Variants in ZNF516 observed in about 807,000 individuals in gnomAD.
The protein encoded by ZNF516 is zinc finger protein 516.
A neutral mutation model predicts 79.7 loss-of-function variants in ZNF516; 19 were observed. That is an observed-to-expected ratio of 0.24 (90% confidence interval 0.17 to 0.35). The LOEUF (loss-of-function observed/expected upper bound fraction) is 0.35, where lower values mean the gene tolerates loss of function less well. ZNF516 is among the 10% of genes least tolerant of loss of function. ZNF516 has a pLI of 1.00. For missense variants in ZNF516, 1,678 were observed against 1,679.5 expected (o/e 1.00, Z 0.02); for synonymous variants, 877 against 739.5 (o/e 1.19, Z -3.02).
intron 3 of ZNF516, among the ~76,000 whole-genome samples, chr18:76,401,013 G>A (rs1383264593): frequency 6.6e-6 from 1 of 151,874 alleles, no homozygotes; most frequent in Non-Finnish European, 1.5e-5. Context: ...TCATTCCTTC[G>A]TTTTCCTCTT....
At position 76,379,378 on chromosome 18, in the gene ZNF516, A is replaced by G. The variant is rs1209837272; in HGVS notation, c.2736T>C (p.Ala912=). 1 of 1,598,830 alleles carries G rather than the reference A, an allele frequency of 6.3e-7. No homozygotes were observed. The highest frequency in any genetic ancestry group is 1.3e-5 in the African/African-American group (1 of 74,402). Residue 912 remains alanine (A), a synonymous_variant, in exon 4 of 7, where the codon GCT becomes GCC. Transcript: ENST00000443185. The part of the protein sequence containing the change: ...QGPLAKPRQE[A]SSKPVPAPGG... ...CCGGGGCAGGCACCGGTTTGGAGCT[A>G]GCCTCCTGCCTGGGCTTGGCCAGGG...
chr18:76,482,212 C>T (rs1914564403), intron 1 of ZNF516, among the ~76,000 whole-genome samples: 1 of 152,214 alleles, frequency 6.6e-6, no homozygotes, highest in Non-Finnish European at 1.5e-5. Context: ...AGAAAGCTCA[C>T]ATCCTAAGTT....
rs1207717554 is a variant in ZNF516, at chr18:76,360,036, C to T, written c.*2462G>A. 1 of 152,224 alleles carries T rather than the reference C, an allele frequency of 6.6e-6. No individual in the cohort carries two copies. Among genetic ancestry groups the T allele is most frequent in the Admixed American group, 6.5e-5 (1 of 15,278 alleles). 9.4% of individuals were successfully genotyped at this position (152,224 alleles called of 1,614,324 possible). A position where few individuals can be genotyped will look rare whatever the true frequency, so the allele number is the denominator to read the frequency against. ...CCCAGTCTGTTTAACTGGGTGAAAA[C>T]CTTCCTCCTGCACTCTGTGCACCCT... On this transcript the variant is annotated 3_prime_UTR_variant, in exon 7 of 7. Transcript: ENST00000443185.
intron 1 of ZNF516, among the ~76,000 whole-genome samples, chr18:76,491,413 C>CCCCG (rs1915198155): frequency 7.2e-6 from 1 of 139,332 alleles, no homozygotes; most frequent in Non-Finnish European, 1.6e-5. Context: ...CCCCCGCCCG[C>CCCCG]CCCGCCCGCC....
At chr18:76,475,686 T>C (rs916263372) in intron 1 of ZNF516, among the ~76,000 whole-genome samples, 3 of 152,130 alleles carry the variant, frequency 2.0e-5, no homozygotes, top group African/African-American at 7.2e-5. Context: ...TCTGTGCCAG[T>C]GGGTCCATGC....
chr18:76,406,142 C>T (rs1241618583), intron 3 of ZNF516, among the ~76,000 whole-genome samples: 1 of 152,240 alleles, frequency 6.6e-6, no homozygotes, highest in African/African-American at 2.4e-5. Flanking sequence ...CACCGCCCGG[C>T]CTGCAACTCG....
intron 1 of ZNF516, chr18:76,492,907 T>A (rs886753066): frequency 1.0e-6 from 1 of 985,604 alleles, no homozygotes; most frequent in Non-Finnish European, 1.2e-6. Flanking sequence ...TCTGTGTAAA[T>A]GCAGAAGCCT....
intron 3 of ZNF516, among the ~76,000 whole-genome samples, chr18:76,426,209 A>G (rs1409749895): frequency 6.6e-6 from 1 of 152,274 alleles, no homozygotes; most frequent in Non-Finnish European, 1.5e-5. Context: ...TGTAAACTGC[A>G]GAAAGAAAGC....
At chr18:76,463,535 G>A (rs1323574230) in intron 1 of ZNF516, among the ~76,000 whole-genome samples, 1 of 152,260 alleles carries the variant, frequency 6.6e-6, no homozygotes, top group African/African-American at 2.4e-5. Flanking sequence ...ACTGCGCTTG[G>A]TGTGCGCATC....
intron 1 of ZNF516, among the ~76,000 whole-genome samples, chr18:76,472,744 C>T (rs1913919890): frequency 6.6e-6 from 1 of 151,986 alleles, no homozygotes; most frequent in Non-Finnish European, 1.5e-5. Context: ...GCCTCACAGG[C>T]AGAAAAAGCA....
chr18:76,400,368 C>T (rs762295906), intron 3 of ZNF516, among the ~76,000 whole-genome samples: 11 of 152,268 alleles, frequency 7.2e-5, no homozygotes, highest in South Asian at 4.1e-4. Context: ...TCTGGTAAGA[C>T]GGACTGAATA....
intron 3 of ZNF516, among the ~76,000 whole-genome samples, chr18:76,436,841 G>A (rs1458043477): frequency 6.6e-6 from 1 of 152,030 alleles, no homozygotes; most frequent in Non-Finnish European, 1.5e-5. Context: ...GCTGAGGCGG[G>A]TGGATTGCTT....
intron 3 of ZNF516, among the ~76,000 whole-genome samples, chr18:76,384,672 C>T (rs1026895384): frequency 1.1e-4 from 16 of 150,396 alleles, no homozygotes; most frequent in Non-Finnish European, 1.9e-4. Context: ...GATCCTGAAA[C>T]GGAAGAACTC....
chr18:76,490,728 C>T, intron 1 of ZNF516: 1 of 979,840 alleles, frequency 1.0e-6, no homozygotes, highest in Non-Finnish European at 1.2e-6. Flanking sequence ...GGGGCAATGC[C>T]TTTCTGCTGT....
At chr18:76,402,745 C>G (rs903845041) in intron 3 of ZNF516, among the ~76,000 whole-genome samples, 1 of 152,264 alleles carries the variant, frequency 6.6e-6, no homozygotes, top group African/African-American at 2.4e-5. Context: ...CCTCTCTGAA[C>G]TAGAAGCGAG....
At chr18:76,404,911 G>C (rs907196502) in intron 3 of ZNF516, among the ~76,000 whole-genome samples, 4 of 152,122 alleles carry the variant, frequency 2.6e-5, no homozygotes, top group African/African-American at 9.7e-5. Context: ...TGTGTGTGTG[G>C]GGCCGTCCCT....
rs933512565 is a variant in ZNF516, at chr18:76,361,755, C to T, written c.*743G>A. 11 of 152,222 alleles carry T rather than the reference C, an allele frequency of 7.2e-5. No homozygotes were observed. Among genetic ancestry groups the T allele is most frequent in the African/African-American group, 2.7e-4 (11 of 41,442 alleles). The allele number at this position is 152,222 out of a possible 1,614,324, so 9.4% of individuals were successfully genotyped here. ...TCTTAGTGTTGCGCTAGCTCTCTTC[C>T]GAGGCGGAATCTACGCATTCCCACA... On this transcript the variant is annotated 3_prime_UTR_variant, in exon 7 of 7. Coordinates refer to ENST00000443185, the MANE Select transcript of ZNF516 (RefSeq NM_014643.4).
Position 76,441,935 on chromosome 18 carries a change from C to T in ZNF516, c.1120G>A (p.Glu374Lys). ...RTRAPAEEGA[E>K]GPSDTKQFFL... ...AACTGCTTGGTGTCCGAGGGCCCCT[C>T]CGCCCCCTCCTCGGCCGGGGCGCGC... The change falls in exon 3 of 7, where the codon GAG becomes AAG. Residue 374 changes from glutamate (E) to lysine (K), a missense_variant. Glu to Lys is a moderately conservative substitution (Grantham distance 56). Transcript: ENST00000443185. The T allele has an allele frequency of 1.2e-6, 2 of 1,609,352 alleles. No individual in the cohort carries two copies. Among genetic ancestry groups the T allele is most frequent in the South Asian group, 1.1e-5 (1 of 90,772 alleles).
At chr18:76,450,610 C>T (rs891227853) in intron 2 of ZNF516, among the ~76,000 whole-genome samples, 1 of 152,140 alleles carries the variant, frequency 6.6e-6, no homozygotes, top group East Asian at 1.9e-4. Context: ...CGAACTCTCC[C>T]GAACATCAGC....
Sources: allele counts gnomAD v4.1 joint callset (sites outside exome capture counted in the v4.1 genomes callset), GRCh38; gene constraint gnomAD v4.1.1; transcripts MANE v1.5; gene names NCBI Gene and HGNC (gene_info 2026-07-23, HGNC 2026-07-21).